Variants in SLC5A4 observed in about 807,000 individuals in gnomAD.
The protein encoded by SLC5A4 is probable glucose sensor protein SLC5A4.
SLC5A4 carries 55 observed loss-of-function variants against 70.3 expected under a neutral mutation model. The observed-to-expected ratio is 0.78, with a 90% CI of 0.63 to 0.98. The LOEUF (loss-of-function observed/expected upper bound fraction) is 0.98. Ranked by LOEUF, SLC5A4 falls within the 50% of genes least tolerant of loss-of-function variation. The probability of loss-of-function intolerance (pLI) is 0.00; values close to 1 mark genes in which losing one functional copy is unlikely to be tolerated. For missense variants in SLC5A4, 735 were observed against 839.2 expected (o/e 0.88, Z 1.53); for synonymous variants, 268 against 305.7 (o/e 0.88, Z 1.29).
intron 5 of SLC5A4, among the ~76,000 whole-genome samples, chr22:32,243,188 C>A (rs1926634830): frequency 6.6e-6 from 1 of 152,098 alleles, no homozygotes; most frequent in Admixed American, 6.5e-5. Flanking sequence ...AAGAAGAATG[C>A]ATAACGTGAA....
chr22:32,253,633 A>G (rs1200442158), intron 2 of SLC5A4, among the ~76,000 whole-genome samples: 1 of 152,190 alleles, frequency 6.6e-6, no homozygotes, highest in East Asian at 1.9e-4. Context: ...TCAGTGCCAG[A>G]CTGAACCGGC....
intron 1 of SLC5A4, 41 bp from the exon 2 acceptor site, chr22:32,254,254 A>C: frequency 6.7e-7 from 1 of 1,487,598 alleles, no homozygotes; most frequent in Non-Finnish European, 9.4e-7. Flanking sequence ...AGCCCCAGCA[A>C]GTGCACCCAG....
chr22:32,308,280 T>G, the SLC5A4 span, among the ~76,000 whole-genome samples: 1 of 151,670 alleles, frequency 6.6e-6, no homozygotes, highest in Non-Finnish European at 1.5e-5. Context: ...AATTAAAAAA[T>G]TTTACAAGTC....
the SLC5A4 span, among the ~76,000 whole-genome samples, chr22:32,298,528 T>A: frequency 2.0e-4 from 19 of 96,242 alleles, 3 homozygotes; most frequent in African/African-American, 7.0e-4. Flanking sequence ...TCCATCCTAT[T>A]ATTTTGAGCC....
chr22:32,306,361 C>G, the SLC5A4 span, among the ~76,000 whole-genome samples: 1 of 151,246 alleles, frequency 6.6e-6, no homozygotes, highest in Non-Finnish European at 1.5e-5. Context: ...AGCTACTTGG[C>G]AGGCTGAGGC....
chr22:32,344,583 T>C, the SLC5A4 span, among the ~76,000 whole-genome samples: 1 of 152,314 alleles, frequency 6.6e-6, no homozygotes, highest in Non-Finnish European at 1.5e-5. Context: ...ATATTAAAAC[T>C]AGAAATGAGA....
the SLC5A4 span, among the ~76,000 whole-genome samples, chr22:32,306,910 C>CA: frequency 1.2e-5 from 1 of 82,390 alleles, no homozygotes; most frequent in South Asian, 4.7e-4. Flanking sequence ...CAAGAAGAGG[C>CA]GCTCTCTCTT....
At chr22:32,316,652 C>T in the SLC5A4 span, among the ~76,000 whole-genome samples, 1 of 152,132 alleles carries the variant, frequency 6.6e-6, no homozygotes, top group Admixed American at 6.5e-5. Flanking sequence ...GCCTCAGCCT[C>T]CTGAGTAGCT....
chr22:32,251,252 T>C (rs1386807105), intron 3 of SLC5A4, among the ~76,000 whole-genome samples: 1 of 149,806 alleles, frequency 6.7e-6, no homozygotes, highest in Non-Finnish European at 1.5e-5. Context: ...CTGGATGCTA[T>C]GGTTTCAACG....
At chr22:32,234,835 C>G (rs1227414330) in intron 8 of SLC5A4, 38 bp downstream of exon 8, 3 of 1,433,588 alleles carry the variant, frequency 2.1e-6, no homozygotes, top group Non-Finnish European at 2.9e-6. Context: ...CACAGACAGA[C>G]AGACAGACAG....
the SLC5A4 span, among the ~76,000 whole-genome samples, chr22:32,339,831 GGA>G: frequency 1.3e-5 from 2 of 152,356 alleles, no homozygotes; most frequent in Non-Finnish European, 2.9e-5. Flanking sequence ...CTGAGTTTCA[GGA>G]GGCTCCTGGA....
At chr22:32,301,173 G>T in the SLC5A4 span, among the ~76,000 whole-genome samples, 2 of 152,134 alleles carry the variant, frequency 1.3e-5, no homozygotes, top group East Asian at 3.9e-4. Context: ...ATCTTGACCA[G>T]TCTGATCTTG....
chr22:32,293,946 A>G, the SLC5A4 span, among the ~76,000 whole-genome samples: 1 of 152,124 alleles, frequency 6.6e-6, no homozygotes, highest in Non-Finnish European at 1.5e-5. Context: ...ATTGTCTTCT[A>G]GTTTCCAGTA....
the SLC5A4 span, among the ~76,000 whole-genome samples, chr22:32,331,237 T>TG: frequency 6.6e-6 from 1 of 150,640 alleles, no homozygotes; most frequent in Non-Finnish European, 1.5e-5. Context: ...GCTGTGTGTG[T>TG]GTTGGGGCAC....
the SLC5A4 span, among the ~76,000 whole-genome samples, chr22:32,293,917 T>C: frequency 2.0e-3 from 299 of 152,286 alleles, no homozygotes; most frequent in African/African-American, 6.6e-3. Flanking sequence ...TTTGATATAG[T>C]AGTATAAAAT....
chr22:32,353,489 CAGG>C, the SLC5A4 span, among the ~76,000 whole-genome samples: 52 of 152,144 alleles, frequency 3.4e-4, no homozygotes, highest in African/African-American at 1.0e-3. Flanking sequence ...CGCGCTCCAG[CAGG>C]AGGAGATGGC....
chr22:32,349,677 A>C, the SLC5A4 span, among the ~76,000 whole-genome samples: 1 of 152,228 alleles, frequency 6.6e-6, no homozygotes, highest in Admixed American at 6.5e-5. Flanking sequence ...TTTCTTAAGA[A>C]GTATTTGAGA....
At chr22:32,254,339 A>C in intron 1 of SLC5A4, 126 bp from the exon 2 acceptor site, 2 of 686,200 alleles carry the variant, frequency 2.9e-6, no homozygotes, top group Non-Finnish European at 5.3e-6. Flanking sequence ...ATTTCGCTGG[A>C]AAGTGTTCTA....
chr22:32,269,112 C>T, the SLC5A4 span, among the ~76,000 whole-genome samples: 3 of 152,172 alleles, frequency 2.0e-5, no homozygotes, highest in Non-Finnish European at 2.9e-5. This position sits in a 1 kb window ranked among gnomAD's most constrained non-coding sequence, Gnocchi z 4.1. Context: ...ATGGCGGTCT[C>T]GAACTCCTCA....
Sources: allele counts gnomAD v4.1 joint callset (sites outside exome capture counted in the v4.1 genomes callset), GRCh38; gene constraint gnomAD v4.1.1; non-coding constraint Gnocchi (gnomAD v3.1); transcripts MANE v1.5; gene names NCBI Gene and HGNC (gene_info 2026-07-23, HGNC 2026-07-21).